Variants in ABR observed in about 807,000 individuals in gnomAD.
ABR encodes ABR activator of RhoGEF and GTPase.
In ABR, 35 loss-of-function variants were observed where a neutral mutation model predicts 107.2. The ratio of observed to expected loss-of-function variants is 0.33; its 90% CI spans 0.25 to 0.43. The LOEUF is 0.43. Among genes scored for constraint, ABR ranks in the 20% least tolerant of loss-of-function variants. The pLI is 1.00. For missense variants in ABR, 815 were observed against 1,115.2 expected, an observed-to-expected ratio of 0.73 and a Z score of 3.83; for synonymous variants, 498 against 462.0, an observed-to-expected ratio of 1.08 and a Z score of -1.00.
At chr17:1,140,334 T>C (rs903464242) in intron 1 of ABR, among the ~76,000 whole-genome samples, 4 of 152,070 alleles carry the variant, frequency 2.6e-5, no homozygotes, top group Non-Finnish European at 5.9e-5. Flanking sequence ...AGAAGACTCA[T>C]GGCCATCCCT....
chr17:1,190,285 C>G (rs1190073504), upstream of ABR, among the ~76,000 whole-genome samples: 1 of 152,208 alleles, frequency 6.6e-6, no homozygotes, highest in African/African-American at 2.4e-5. Flanking sequence ...ACTAAGGGAA[C>G]TTCGGTCTCA....
chr17:1,086,187 G>A (rs1172564401), intron 4 of ABR, among the ~76,000 whole-genome samples: 1 of 152,272 alleles, frequency 6.6e-6, no homozygotes, highest in East Asian at 1.9e-4. Flanking sequence ...AATGTGAAAT[G>A]ATGTACGTGG....
intron 10 of ABR, among the ~76,000 whole-genome samples, chr17:1,061,547 G>A (rs1239693423): frequency 1.2e-5 from 1 of 84,702 alleles, no homozygotes; most frequent in Non-Finnish European, 2.5e-5. Context: ...TTTACTAAGT[G>A]CCTTTTTTTT....
chr17:1,175,091 G>T (rs2041871570), intron 1 of ABR, among the ~76,000 whole-genome samples: 2 of 152,050 alleles, frequency 1.3e-5, no homozygotes, highest in South Asian at 4.2e-4. Context: ...AGCAGAAAGG[G>T]TGATTAAAGA....
chr17:1,050,696 G>A lies in ABR; in HGVS notation c.1562-62C>T, dbSNP rs546685639. 9.1e-5 allele frequency: 126 copies of A among 1,387,886 alleles called. No individual in the cohort carries two copies. In the African/African-American group the frequency reaches 1.1e-3, roughly 12 times the overall value. The allele number at this position is 1,387,886 out of a possible 1,614,324, so 86.0% of individuals were successfully genotyped here. A position where few individuals can be genotyped will look rare whatever the true frequency, so the allele number is the denominator to read the frequency against. On this transcript the variant is annotated intron_variant, in intron 14 of 22. Transcript: ENST00000302538. This position sits in a 1 kb window ranked among gnomAD's most constrained non-coding sequence, Gnocchi z 4.6. Reference sequence around the variant, plus strand: ...GGGGCCAGGGTGGGGCAGCTGGGGCGGCACTCAGGATGGAGGGGGACATCG... The same window carrying A: ...GGGGCCAGGGTGGGGCAGCTGGGGCAGCACTCAGGATGGAGGGGGACATCG...
At chr17:1,017,155 G>A (rs1359207462) in intron 16 of ABR, among the ~76,000 whole-genome samples, 1 of 152,048 alleles carries the variant, frequency 6.6e-6, no homozygotes, top group Non-Finnish European at 1.5e-5. Flanking sequence ...CTTCACACAC[G>A]GGAAGCGTGA....
At chr17:1,008,721 G>A (rs776555346) in intron 21 of ABR, among the ~76,000 whole-genome samples, 2 of 152,260 alleles carry the variant, frequency 1.3e-5, no homozygotes, top group Non-Finnish European at 2.9e-5. Flanking sequence ...CCTGAGCTGG[G>A]GCTGAGCTCA....
chr17:1,060,957 A>T (rs375659995), intron 10 of ABR, among the ~76,000 whole-genome samples: 9 of 152,080 alleles, frequency 5.9e-5, no homozygotes, highest in African/African-American at 1.7e-4. Context: ...GTGCCACTGC[A>T]CTCCAGCCTG....
Position 1,092,094 on chromosome 17 carries a change from G to T in ABR, c.346-244C>A, listed in dbSNP as rs1337762027. On this transcript the variant is annotated intron_variant, in intron 3 of 22. Transcript: ENST00000302538. The surrounding 1 kb of genome is among the most constrained non-coding windows in gnomAD (Gnocchi z 4.6). ...GCCAGGCCCGAGGGGTGGTGCCTGGGCTCACTCCCCTACCACGCAGCTGAG... is the reference window on the plus strand; with the variant it reads ...GCCAGGCCCGAGGGGTGGTGCCTGGTCTCACTCCCCTACCACGCAGCTGAG... Among the ~76,000 whole-genome samples the T allele has an allele frequency of 2.0e-5, 3 of 152,096 alleles. No individual in the cohort carries two copies. The East Asian group carries it at 5.8e-4, about 29-fold the overall frequency.
intron 1 of ABR, among the ~76,000 whole-genome samples, chr17:1,226,671 A>G (rs1392449358): frequency 1.3e-5 from 2 of 148,310 alleles, no homozygotes; most frequent in Non-Finnish European, 3.0e-5. Flanking sequence ...TGTATGTGAC[A>G]GTATGCCATG....
chr17:1,202,534 T>G (rs1006573726), intron 1 of ABR, among the ~76,000 whole-genome samples: 10 of 152,098 alleles, frequency 6.6e-5, no homozygotes, highest in Non-Finnish European at 1.3e-4. Context: ...GCATTCAGAG[T>G]ATTTCCCCTA....
intron 9 of ABR, among the ~76,000 whole-genome samples, chr17:1,069,589 T>C (rs1264362168): frequency 6.6e-6 from 1 of 152,072 alleles, no homozygotes; most frequent in Non-Finnish European, 1.5e-5. Context: ...GGAAAATCGC[T>C]TGAACCCGGG....
At chr17:1,121,622 G>A (rs925701465) in intron 2 of ABR, among the ~76,000 whole-genome samples, 1 of 150,130 alleles carries the variant, frequency 6.7e-6, no homozygotes, top group African/African-American at 2.5e-5. Context: ...CCCAAGGCAG[G>A]GCTCTGAGCC....
intron 16 of ABR, among the ~76,000 whole-genome samples, chr17:1,025,695 C>A (rs973809813): frequency 5.9e-5 from 9 of 152,178 alleles, no homozygotes; most frequent in Non-Finnish European, 1.3e-4. Context: ...CAAAAGTGAT[C>A]CTCTCAAGCC....
upstream of ABR, among the ~76,000 whole-genome samples, chr17:1,189,997 T>A (rs567921520): frequency 6.6e-6 from 1 of 152,308 alleles, no homozygotes; most frequent in South Asian, 2.1e-4. Flanking sequence ...CTCCACCAGC[T>A]GGAAAAGAAC....
rs140516176 is a variant in ABR at position 1,057,831 on chromosome 17, C to T, written c.1381+139G>A. 1.4e-4 allele frequency: 98 copies of T among 719,832 alleles called. No homozygotes were observed. In the African/African-American group the frequency reaches 1.6e-3, roughly 12 times the overall value. The allele number at this position is 719,832 out of a possible 1,614,324, so 44.6% of individuals were successfully genotyped here. A position where few individuals can be genotyped will look rare whatever the true frequency, so the allele number is the denominator to read the frequency against. On this transcript the variant is annotated intron_variant, in intron 12 of 22. Coordinates refer to ENST00000302538, the MANE Select transcript of ABR (RefSeq NM_021962.5). ...TGGGTCTCAATTAATCCGTAACATC[C>T]TTAAACGCTCACCCTGGCACCTCTG...
chr17:1,073,954 C>G (rs1279537565), intron 6 of ABR, among the ~76,000 whole-genome samples: 1 of 140,432 alleles, frequency 7.1e-6, no homozygotes, highest in East Asian at 2.5e-4. Context: ...CGCCCCGCCC[C>G]CCTCCCCAGG....
intron 16 of ABR, 42 bp from the exon 17 acceptor site, chr17:1,013,206 G>T (rs9894835): frequency 6.9e-6 from 11 of 1,597,080 alleles, no homozygotes; most frequent in Non-Finnish European, 9.4e-6. Context: ...CCAGCTCGGA[G>T]GCCAAGCCAG....
chr17:1,161,820 G>GGATGGCCATCCCACAC (rs2151570419), intron 1 of ABR, among the ~76,000 whole-genome samples: 1 of 152,284 alleles, frequency 6.6e-6, no homozygotes, highest in East Asian at 1.9e-4. Flanking sequence ...CTCCCACAGT[G>GGATGGCCATCCCACAC]CTGGGATGAC....
Sources: gnomAD v4.1 joint callset for allele counts (sites outside exome capture counted in the v4.1 genomes callset) on GRCh38, gnomAD v4.1.1 for gene constraint, Gnocchi (gnomAD v3.1) non-coding constraint, MANE v1.5 for transcripts, NCBI Gene and HGNC (gene_info 2026-07-23, HGNC 2026-07-21) for gene names.